PGCKA1: variants seen among roughly 807,000 people sequenced by gnomAD.
PGCKA1 encodes the protein PDCD10 and GCKIII kinases associated 1.
the PGCKA1 span, among the ~76,000 whole-genome samples, chr4:37,586,465 C>G: frequency 0.92 from 140,404 of 152,296 alleles, 65,076 homozygotes; most frequent in Middle Eastern, 0.98. Context: ...AAGAGATGCA[C>G]GGCTGGTCCG....
the PGCKA1 span, among the ~76,000 whole-genome samples, chr4:37,542,187 A>C: frequency 6.6e-6 from 1 of 152,276 alleles, no homozygotes; most frequent in East Asian, 1.9e-4. Context: ...ATTCAGGGTC[A>C]TTCTAAGGGC....
the PGCKA1 span, among the ~76,000 whole-genome samples, chr4:37,505,516 A>G: frequency 2.0e-5 from 3 of 152,236 alleles, no homozygotes; most frequent in Non-Finnish European, 4.4e-5. Context: ...AATTTACAAA[A>G]GAAACAGGTT....
the PGCKA1 span, among the ~76,000 whole-genome samples, chr4:37,456,947 A>G: frequency 6.6e-6 from 1 of 152,232 alleles, no homozygotes; most frequent in Non-Finnish European, 1.5e-5. Flanking sequence ...CCATTAATTG[A>G]CTTGAATCTC....
At chr4:37,590,450 C>A in the PGCKA1 span, 2 of 1,610,508 alleles carry the variant, frequency 1.2e-6, no homozygotes, top group South Asian at 2.2e-5. Flanking sequence ...ACTGTTCCCC[C>A]AACTCAACCC....
the PGCKA1 span, among the ~76,000 whole-genome samples, chr4:37,497,520 C>T: frequency 1.4e-3 from 209 of 152,256 alleles, no homozygotes; most frequent in African/African-American, 4.8e-3. Flanking sequence ...GTTCCCTGAT[C>T]GCTGCATCCA....
At chr4:37,455,122 A>T in the PGCKA1 span, among the ~76,000 whole-genome samples, 1 of 152,196 alleles carries the variant, frequency 6.6e-6, no homozygotes, top group Admixed American at 6.5e-5. Flanking sequence ...AGCATTTGAG[A>T]GTTGAATGAG....
the PGCKA1 span, among the ~76,000 whole-genome samples, chr4:37,583,971 C>T: frequency 6.6e-6 from 1 of 152,164 alleles, no homozygotes; most frequent in Admixed American, 6.5e-5. Context: ...ATAGACTGCT[C>T]ATTTTGAACC....
the PGCKA1 span, among the ~76,000 whole-genome samples, chr4:37,535,928 CTTG>C: frequency 6.6e-6 from 1 of 152,316 alleles, no homozygotes; most frequent in East Asian, 1.9e-4. Flanking sequence ...CCTGTTTAAC[CTTG>C]CTTCCTCCTC....
the PGCKA1 span, among the ~76,000 whole-genome samples, chr4:37,491,514 G>A: frequency 0.062 from 9,407 of 152,144 alleles, 367 homozygotes; most frequent in Middle Eastern, 0.088. Context: ...AACGTACTTA[G>A]CTTTCATTAA....
At chr4:37,570,262 T>A in the PGCKA1 span, among the ~76,000 whole-genome samples, 1 of 145,924 alleles carries the variant, frequency 6.9e-6, no homozygotes, top group Non-Finnish European at 1.5e-5. Context: ...CCTCCCAAAG[T>A]GCTGGGATTA....
the PGCKA1 span, among the ~76,000 whole-genome samples, chr4:37,582,875 A>G: frequency 1.3e-5 from 2 of 152,204 alleles, no homozygotes; most frequent in East Asian, 3.8e-4. Flanking sequence ...TTCACCCACT[A>G]GTCCTACCAT....
At chr4:37,482,047 G>A in the PGCKA1 span, among the ~76,000 whole-genome samples, 5 of 152,196 alleles carry the variant, frequency 3.3e-5, no homozygotes, top group African/African-American at 4.8e-5. Flanking sequence ...CCCCAGCCAA[G>A]CTGAACTGTG....
the PGCKA1 span, among the ~76,000 whole-genome samples, chr4:37,512,931 A>C: frequency 1.3e-5 from 2 of 152,088 alleles, no homozygotes; most frequent in African/African-American, 4.8e-5. Flanking sequence ...TCTGCTAAAA[A>C]TACAAAATCA....
the PGCKA1 span, among the ~76,000 whole-genome samples, chr4:37,491,879 AT>A: frequency 6.6e-6 from 1 of 151,304 alleles, no homozygotes; most frequent in African/African-American, 2.4e-5. Flanking sequence ...CTTTATTTTA[AT>A]TTACATTCCT....
chr4:37,592,353 GAAAAA>G, the PGCKA1 span, among the ~76,000 whole-genome samples: 133 of 108,174 alleles, frequency 1.2e-3, 2 homozygotes, highest in East Asian at 0.032. Context: ...CCATCTCTAT[GAAAAA>G]AAAAAAAAAA....
the PGCKA1 span, among the ~76,000 whole-genome samples, chr4:37,507,527 TAAAC>T: frequency 3.3e-5 from 5 of 152,152 alleles, no homozygotes; most frequent in African/African-American, 1.2e-4. Flanking sequence ...AACACTAGCA[TAAAC>T]AAACTAACAA....
chr4:37,557,049 CAGTCTACTTGGG>C, the PGCKA1 span, among the ~76,000 whole-genome samples: 14 of 152,288 alleles, frequency 9.2e-5, no homozygotes, highest in Admixed American at 9.2e-4. Flanking sequence ...TCTCGATATA[CAGTCTACTTGGG>C]AGTGGAATAA....
the PGCKA1 span, among the ~76,000 whole-genome samples, chr4:37,508,664 CTT>C: frequency 3.5e-5 from 3 of 86,540 alleles, no homozygotes; most frequent in Admixed American, 1.2e-4. Context: ...TCACCCTCTT[CTT>C]TTTTTTTTTG....
At chr4:37,492,808 A>C in the PGCKA1 span, among the ~76,000 whole-genome samples, 1 of 151,756 alleles carries the variant, frequency 6.6e-6, no homozygotes, top group African/African-American at 2.4e-5. The surrounding 1 kb of genome is among the most constrained non-coding windows in gnomAD (Gnocchi z 4.7). Flanking sequence ...CAGTTCAGCC[A>C]CTCCTCATTT....
Sources: gnomAD v4.1 joint callset for allele counts (sites outside exome capture counted in the v4.1 genomes callset) on GRCh38, gnomAD v4.1.1 for gene constraint, Gnocchi (gnomAD v3.1) non-coding constraint, MANE v1.5 for transcripts, NCBI Gene and HGNC (gene_info 2026-07-23, HGNC 2026-07-21) for gene names.